Variants in TRIM66 observed in about 807,000 individuals in gnomAD.
The protein encoded by TRIM66 is tripartite motif-containing protein 66.
TRIM66 carries 99 observed loss-of-function variants against 148.2 expected under a neutral mutation model. The observed-to-expected ratio is 0.67, with a 90% CI of 0.57 to 0.79. TRIM66 has a LOEUF of 0.79. Among genes scored for constraint, TRIM66 ranks in the 30% least tolerant of loss-of-function variants. The pLI is 0.00. For missense variants in TRIM66, 1,666 were observed against 1,697.9 expected (o/e 0.98, Z 0.33); for synonymous variants, 616 against 635.9 (o/e 0.97, Z 0.47).
rs1021913485 is a variant in TRIM66 at position 8,651,810 on chromosome 11, T to G, written c.434A>C (p.Lys145Thr). The G allele has an allele frequency of 3.2e-6, 5 of 1,551,684 alleles. No individual in the cohort carries two copies. In the African/African-American group the frequency reaches 5.5e-5, roughly 17 times the overall value. ...FLHCVPTEQP[K>T]MARNCSECKE... ...CTTGTCCTGACTTACCCTGGCCATCTTGGGTTGCTCAGTAGGAACACAATG... is the reference window on the plus strand; with the variant it reads ...CTTGTCCTGACTTACCCTGGCCATCGTGGGTTGCTCAGTAGGAACACAATG... Residue 145 changes from lysine to threonine, a missense_variant, in exon 7 of 25, where the codon AAG (lysine) becomes ACG (threonine). Lys to Thr is a moderately conservative substitution (Grantham distance 78, BLOSUM62 -1). Transcript: ENST00000646038.
chr11:8,624,516 T>C lies in TRIM66; in HGVS notation c.2862A>G (p.Leu954=), dbSNP rs1314988746. 1.9e-6 allele frequency: 3 copies of C among 1,541,352 alleles called. No homozygotes were observed. The highest frequency in any genetic ancestry group is 2.6e-6 in the Non-Finnish European group (3 of 1,144,130). Residue 954 remains leucine (L), a synonymous_variant, in exon 17 of 25, where the codon TTA becomes TTG. Coordinates refer to ENST00000646038, the MANE Select transcript of TRIM66 (RefSeq NM_001388022.1). ...ESEDSTRFTD[L]LGQGPIVPGL... ...CGGGGACTATGGGACCTTGTCCCAG[T>C]AAGTCAGTGAAGCGAGTGGAATCCT...
At chr11:8,669,601 CCA>C (rs2133470149) in intron 6 of TRIM66, among the ~76,000 whole-genome samples, 2 of 151,354 alleles carry the variant, frequency 1.3e-5, no homozygotes, top group African/African-American at 4.9e-5. Context: ...CGAGATCGCA[CCA>C]CTGCACTCCA....
chr11:8,681,515 T>C (rs1311896986), intron 1 of TRIM66, among the ~76,000 whole-genome samples: 1 of 152,140 alleles, frequency 6.6e-6, no homozygotes, highest in Non-Finnish European at 1.5e-5. Flanking sequence ...CGCTCACACA[T>C]ACACACAGAG....
At chr11:8,680,469 C>T (rs61045588) in intron 1 of TRIM66, among the ~76,000 whole-genome samples, 3,599 of 152,018 alleles carry the variant, frequency 0.024, 148 homozygotes, top group African/African-American at 0.082. Flanking sequence ...GGCACTAAGG[C>T]TTAAACAGAG....
At chr11:8,640,006 C>T (rs1023793528) in intron 14 of TRIM66, among the ~76,000 whole-genome samples, 3 of 152,182 alleles carry the variant, frequency 2.0e-5, no homozygotes, top group African/African-American at 7.2e-5. Context: ...CCGGAGTATA[C>T]TGAGCCTAAA....
At chr11:8,623,653 A>G (rs1313073646) in intron 17 of TRIM66, among the ~76,000 whole-genome samples, 1 of 152,216 alleles carries the variant, frequency 6.6e-6, no homozygotes, top group African/African-American at 2.4e-5. Context: ...GATCATCAGG[A>G]AGTCGCTTCC....
chr11:8,621,782 G>A lies in TRIM66; in HGVS notation c.3118C>T (p.Leu1040=). 2 of 1,550,784 alleles carry A rather than the reference G, an allele frequency of 1.3e-6. No individual in the cohort carries two copies. The highest frequency in any genetic ancestry group is 2.4e-5 in the East Asian group (1 of 40,888). ...NSEHKIPYVR[L]ERLKICAASS... is the part of the protein sequence containing the mutation. ...GCAGCACAGATCTTGAGTCGCTCCA[G>A]TCGCACATAGGGAATCTTATGCTCA... The change falls in exon 19 of 25, where the codon CTG becomes TTG. Residue 1040 remains leucine (L), a synonymous_variant. Coordinates refer to ENST00000646038, the MANE Select transcript of TRIM66 (RefSeq NM_001388022.1).
At chr11:8,662,067 G>A (rs1320493512) in intron 6 of TRIM66, among the ~76,000 whole-genome samples, 1 of 152,176 alleles carries the variant, frequency 6.6e-6, no homozygotes, top group South Asian at 2.1e-4. Context: ...GAAACTGTTC[G>A]TGAACTAAAA....
intron 6 of TRIM66, chr11:8,654,512 G>C (rs570486112): frequency 6.6e-6 from 1 of 152,300 alleles, no homozygotes; most frequent in South Asian, 2.1e-4. Flanking sequence ...CTGGGTTCCC[G>C]CAGCACCCTG....
At chr11:8,661,627 T>C (rs1005741343) in intron 6 of TRIM66, among the ~76,000 whole-genome samples, 1 of 152,202 alleles carries the variant, frequency 6.6e-6, no homozygotes, top group Admixed American at 6.5e-5. Flanking sequence ...AGCCCTGGAC[T>C]GTCAGGCAAA....
At chr11:8,675,137 G>C (rs1412599532) in intron 3 of TRIM66, among the ~76,000 whole-genome samples, 2 of 152,150 alleles carry the variant, frequency 1.3e-5, no homozygotes, top group Non-Finnish European at 2.9e-5. Context: ...TTATGCAGAT[G>C]TTCCAAATAT....
chr11:8,633,275 T>G (rs2035582739), intron 15 of TRIM66, among the ~76,000 whole-genome samples: 1 of 152,018 alleles, frequency 6.6e-6, no homozygotes, highest in Admixed American at 6.6e-5. Context: ...TGAGCCGAGA[T>G]CGTGCCATTG....
At chr11:8,642,943 G>A (rs2036529726) in intron 13 of TRIM66, 66 bp downstream of exon 13, 8 of 1,109,756 alleles carry the variant, frequency 7.2e-6, no homozygotes, top group Non-Finnish European at 1.0e-5. Flanking sequence ...GACCTACCCA[G>A]TAAGGTAAGC....
At chr11:8,682,726 A>T, upstream of TRIM66, 2 of 1,536,488 alleles carry the variant, frequency 1.3e-6, no homozygotes, top group East Asian at 4.5e-5. Flanking sequence ...GGCCTCTGTG[A>T]CCGGAAGTGA....
At chr11:8,682,839 CCT>C, upstream of TRIM66, 1 of 1,609,788 alleles carries the variant, frequency 6.2e-7, no homozygotes, top group South Asian at 1.1e-5. Context: ...TTTCTTGCCT[CCT>C]CTTCCTTGCC....
At chr11:8,620,205 T>C in intron 21 of TRIM66, 81 bp from the exon 22 acceptor site, 1 of 1,401,448 alleles carries the variant, frequency 7.1e-7, no homozygotes, top group Non-Finnish European at 9.8e-7. Context: ...CCCTGATAAC[T>C]CCCTGGCTCT....
At chr11:8,657,473 A>G (rs1328682075) in intron 6 of TRIM66, among the ~76,000 whole-genome samples, 1 of 152,090 alleles carries the variant, frequency 6.6e-6, no homozygotes, top group Non-Finnish European at 1.5e-5. Context: ...GCCCTGGGAC[A>G]GGGAGGAGCT....
intron 15 of TRIM66, among the ~76,000 whole-genome samples, chr11:8,629,059 C>T (rs2035146136): frequency 6.6e-6 from 1 of 152,094 alleles, no homozygotes; most frequent in African/African-American, 2.4e-5. Flanking sequence ...TGAAGAGAAG[C>T]AAGGTGGAAA....
chr11:8,624,308 C>T (rs2034596381), intron 17 of TRIM66, 51 bp downstream of exon 17: 1 of 1,530,824 alleles, frequency 6.5e-7, no homozygotes, highest in Non-Finnish European at 8.8e-7. Flanking sequence ...GTGCTGAGTC[C>T]ATCTGCTCAA....
Sources: allele counts gnomAD v4.1 joint callset (sites outside exome capture counted in the v4.1 genomes callset), GRCh38; gene constraint gnomAD v4.1.1; transcripts MANE v1.5; gene names NCBI Gene and HGNC (gene_info 2026-07-23, HGNC 2026-07-21).